Variants in UGGT1 observed in about 807,000 individuals in gnomAD.
UGGT1 encodes UDP-glucose glycoprotein glucosyltransferase 1, also known as UDP-glucose:glycoprotein glucosyltransferase 1.
In UGGT1, 107 loss-of-function variants were observed where a neutral mutation model predicts 203.9. The ratio of observed to expected loss-of-function variants is 0.52; its 90% CI spans 0.45 to 0.62. The LOEUF (loss-of-function observed/expected upper bound fraction) is 0.62. UGGT1 is among the 20% of genes least tolerant of loss of function. The probability of loss-of-function intolerance (pLI) is 0.00; values close to 1 mark genes in which losing one functional copy is unlikely to be tolerated. For missense variants in UGGT1, 1,673 were observed against 1,867.2 expected (o/e 0.90, Z 1.92); for synonymous variants, 628 against 653.5 (o/e 0.96, Z 0.59).
rs1389391256 is a variant in UGGT1 at position 128,193,424 on chromosome 2, G to A, written c.*3682G>A. ...CTGCCACCATGCCTGGTTAATTTTT[G>A]TATTTTTAGTAGAGATGGGGTTTTA... On this transcript the variant is annotated 3_prime_UTR_variant, in exon 41 of 41. Coordinates refer to ENST00000259253, the MANE Select transcript of UGGT1 (RefSeq NM_020120.4). 2 of 151,824 alleles carry A rather than the reference G, an allele frequency of 1.3e-5. No homozygotes were observed. The highest frequency in any genetic ancestry group is 2.9e-5 in the Non-Finnish European group (2 of 67,996). 9.4% of individuals were successfully genotyped at this position (151,824 alleles called of 1,614,324 possible). A position where few individuals can be genotyped will look rare whatever the true frequency, so the allele number is the denominator to read the frequency against.
At position 128,134,968 on chromosome 2, in the gene UGGT1, C is replaced by A; in HGVS notation, c.1583+7C>A. On this transcript the variant is annotated splice_region_variant and intron_variant, in intron 15 of 40. Coordinates refer to ENST00000259253, the MANE Select transcript of UGGT1 (RefSeq NM_020120.4). ...GTAATCATATACCACTAAGGTAACA[C>A]TGGTATTGATTTGATGATGTATCTA... 1 of 1,606,794 alleles carries A rather than the reference C, an allele frequency of 6.2e-7. No individual in the cohort carries two copies. The highest frequency in any genetic ancestry group is 8.5e-7 in the Non-Finnish European group (1 of 1,173,792).
intron 11 of UGGT1, among the ~76,000 whole-genome samples, chr2:128,126,539 G>A (rs1688609107): frequency 6.6e-6 from 1 of 152,090 alleles, no homozygotes. Context: ...ACTGTGCCCT[G>A]CCCAAAATGT....
intron 28 of UGGT1, 113 bp downstream of exon 28, chr2:128,171,397 T>A: frequency 1.0e-6 from 1 of 996,016 alleles, no homozygotes; most frequent in Non-Finnish European, 1.5e-6. Context: ...TTTGAAATGG[T>A]CATTTACTAA....
At chr2:128,156,012 T>G (rs1385004572) in intron 20 of UGGT1, among the ~76,000 whole-genome samples, 1 of 152,216 alleles carries the variant, frequency 6.6e-6, no homozygotes, top group East Asian at 1.9e-4. Context: ...CAGAGGTATT[T>G]ATTTAGGCTA....
chr2:128,176,680 G>A, intron 31 of UGGT1, 134 bp from the exon 32 acceptor site: 1 of 826,638 alleles, frequency 1.2e-6, no homozygotes, highest in Non-Finnish European at 2.0e-6. Flanking sequence ...GCTCGAAGGA[G>A]CTTAAGGAGC....
chr2:128,177,328 GAAGA>G (rs1691448198), intron 32 of UGGT1, among the ~76,000 whole-genome samples: 1 of 152,070 alleles, frequency 6.6e-6, no homozygotes, highest in African/African-American at 2.4e-5. Flanking sequence ...GTATATTCTT[GAAGA>G]AAGAATCATT....
At chr2:128,117,989 TGTGTGAGA>T (rs755290817) in intron 8 of UGGT1, among the ~76,000 whole-genome samples, 80 of 86,282 alleles carry the variant, frequency 9.3e-4, no homozygotes, top group African/African-American at 1.2e-3. Context: ...TGTGTGTGTG[TGTGTGAGA>T]GAGAGAGAGA....
chr2:128,120,508 G>T (rs1688326336), intron 9 of UGGT1, 52 bp downstream of exon 9: 3 of 1,491,278 alleles, frequency 2.0e-6, no homozygotes, highest in Non-Finnish European at 2.8e-6. Flanking sequence ...AAGTTTTATG[G>T]CTTTAAAAAA....
intron 15 of UGGT1, among the ~76,000 whole-genome samples, chr2:128,137,566 A>G (rs368946801): frequency 2.6e-4 from 40 of 152,202 alleles, no homozygotes; most frequent in African/African-American, 8.4e-4. Context: ...GTGAAGTCCA[A>G]ATTAACCAAG....
rs557447482 is a variant in UGGT1, at chr2:128,158,599, T to C, written c.2356-915T>C. 9.2e-5 allele frequency among the ~76,000 whole-genome samples: 14 copies of C among 152,384 alleles called. No homozygotes were observed. The East Asian group carries it at 2.1e-3, about 23-fold the overall frequency. On this transcript the variant is annotated intron_variant, in intron 22 of 40. Transcript: ENST00000259253. ...TATGGCTGTACCACAAAGTTTTATT[T>C]GTTTAAGCTATTTGAAGGACAGTTG...
At chr2:128,119,499 C>CT (rs1448655587) in intron 8 of UGGT1, among the ~76,000 whole-genome samples, 2 of 152,094 alleles carry the variant, frequency 1.3e-5, no homozygotes, top group African/African-American at 4.8e-5. Flanking sequence ...TACTAGCCGT[C>CT]TGTCTGATGT....
intron 2 of UGGT1, among the ~76,000 whole-genome samples, chr2:128,099,283 A>G (rs907757619): frequency 5.3e-5 from 8 of 152,032 alleles, no homozygotes; most frequent in African/African-American, 1.9e-4. Context: ...AGCTGGGACT[A>G]CAGGTGTGAG....
intron 16 of UGGT1, among the ~76,000 whole-genome samples, chr2:128,140,710 A>G (rs1319048580): frequency 1.3e-5 from 2 of 152,066 alleles, no homozygotes; most frequent in Admixed American, 1.3e-4. Flanking sequence ...ACAGGATCTC[A>G]CTGTTGCCCA....
rs147980828 is a variant in UGGT1, at chr2:128,142,339, A to T, written c.1720-755A>T. Among the ~76,000 whole-genome samples the T allele has an allele frequency of 9.5e-3, 1,445 of 151,832 alleles. 22 individuals carry two copies. The highest frequency in any genetic ancestry group is 0.032 in the African/African-American group (1,320 of 41,466). ...GGTGGCTCATGCCTGTAATCCCAGCACTTTGGGAGGCCGAGGCGGGCGAAT... is the reference window on the plus strand; with the variant it reads ...GGTGGCTCATGCCTGTAATCCCAGCTCTTTGGGAGGCCGAGGCGGGCGAAT... On this transcript the variant is annotated intron_variant, in intron 16 of 40. Transcript: ENST00000259253.
At chr2:128,151,786 C>T (rs12471082) in intron 18 of UGGT1, among the ~76,000 whole-genome samples, 1 of 151,822 alleles carries the variant, frequency 6.6e-6, no homozygotes, top group African/African-American at 2.4e-5. Flanking sequence ...TAGGAAGATC[C>T]CTTGAGCCCT....
At chr2:128,131,578 G>A (rs1490964691) in intron 13 of UGGT1, among the ~76,000 whole-genome samples, 1 of 152,064 alleles carries the variant, frequency 6.6e-6, no homozygotes, top group African/African-American at 2.4e-5. Flanking sequence ...TTTATTTGGG[G>A]TAGATATCTG....
chr2:128,113,354 T>A, intron 6 of UGGT1, 96 bp downstream of exon 6: 1 of 1,050,578 alleles, frequency 9.5e-7, no homozygotes, highest in Non-Finnish European at 1.3e-6. Flanking sequence ...TAAAAAAATC[T>A]AGTTATTTGA....
At chr2:128,121,754 C>T (rs918342238) in intron 10 of UGGT1, among the ~76,000 whole-genome samples, 2 of 152,164 alleles carry the variant, frequency 1.3e-5, no homozygotes, top group African/African-American at 4.8e-5. Context: ...GCAGATGGTG[C>T]TCTGTGTCTT....
intron 6 of UGGT1, among the ~76,000 whole-genome samples, chr2:128,113,621 G>A (rs1020487798): frequency 6.6e-6 from 1 of 151,838 alleles, no homozygotes; most frequent in Admixed American, 6.6e-5. Flanking sequence ...TTTTTATTTG[G>A]TGGAAGGGGG....
Sources: gnomAD v4.1 joint callset for allele counts (sites outside exome capture counted in the v4.1 genomes callset) on GRCh38, gnomAD v4.1.1 for gene constraint, MANE v1.5 for transcripts, NCBI Gene and HGNC (gene_info 2026-07-23, HGNC 2026-07-21) for gene names.